Variants in DCLK1 observed in about 807,000 individuals in gnomAD.
The protein encoded by DCLK1 is serine/threonine-protein kinase DCLK1.
Under a neutral mutation model 86.2 loss-of-function variants are expected in DCLK1, and 16 were observed. The ratio of observed to expected loss-of-function variants is 0.19; its 90% CI spans 0.13 to 0.28. The LOEUF (loss-of-function observed/expected upper bound fraction) is 0.28. Among genes scored for constraint, DCLK1 ranks in the 10% least tolerant of loss-of-function variants. The pLI is 1.00. For missense variants in DCLK1, 590 were observed against 940.2 expected (o/e 0.63, Z 4.87); for synonymous variants, 369 against 370.5 (o/e 1.00, Z 0.05).
intron 4 of DCLK1, among the ~76,000 whole-genome samples, chr13:35,918,259 T>C (rs1188572711): frequency 1.3e-5 from 2 of 152,186 alleles, no homozygotes; most frequent in Non-Finnish European, 2.9e-5. Flanking sequence ...TTCTATAAAT[T>C]GCATCAAAGT....
intron 3 of DCLK1, among the ~76,000 whole-genome samples, chr13:36,045,625 G>T (rs1251127109): frequency 6.6e-6 from 1 of 151,896 alleles, no homozygotes; most frequent in African/African-American, 2.4e-5. Flanking sequence ...CCCAAGGCTG[G>T]CAGATCACTT....
chr13:35,808,251 G>A lies in DCLK1; in HGVS notation c.1836C>T (p.Tyr612=). 3 of 1,614,018 alleles carry A rather than the reference G, an allele frequency of 1.9e-6. No individual in the cohort carries two copies. Among genetic ancestry groups the A allele is most frequent in the Non-Finnish European group, 1.7e-6 (2 of 1,179,952 alleles). The change falls in exon 14 of 17, where the codon TAC becomes TAT. Residue 612 remains tyrosine (Y), a synonymous_variant. Coordinates refer to ENST00000360631, the MANE Select transcript of DCLK1 (RefSeq NM_001330071.2). ...LMGQVDFPSP[Y]WDNVSDSAKE... Reference sequence around the variant, plus strand: ...TTGCAGAATCGGAAACATTATCCCAGTATGGAGAAGGAAAGTCCACCTGCC... The same window carrying A: ...TTGCAGAATCGGAAACATTATCCCAATATGGAGAAGGAAAGTCCACCTGCC...
chr13:35,970,939 T>A (rs1879032069), intron 3 of DCLK1, among the ~76,000 whole-genome samples: 1 of 152,178 alleles, frequency 6.6e-6, no homozygotes, highest in African/African-American at 2.4e-5. Context: ...GAGATGAGAC[T>A]GGGCTACCTA....
chr13:36,100,091 C>T (rs896687468), intron 3 of DCLK1, among the ~76,000 whole-genome samples: 1 of 145,582 alleles, frequency 6.9e-6, no homozygotes, highest in Non-Finnish European at 1.5e-5. Context: ...ACCTGTAATC[C>T]CAGCACTTTG....
At chr13:35,985,047 C>T (rs1879835479) in intron 3 of DCLK1, among the ~76,000 whole-genome samples, 1 of 152,228 alleles carries the variant, frequency 6.6e-6, no homozygotes, top group Non-Finnish European at 1.5e-5. Context: ...ACAGCCATTA[C>T]AGTGGCTGGT....
intron 3 of DCLK1, among the ~76,000 whole-genome samples, chr13:36,003,765 TA>T (rs1880826499): frequency 6.6e-6 from 1 of 152,220 alleles, no homozygotes; most frequent in African/African-American, 2.4e-5. Flanking sequence ...TTTATTTTCC[TA>T]AGAGATATAC....
At chr13:36,025,424 C>T (rs1881991248) in intron 3 of DCLK1, among the ~76,000 whole-genome samples, 1 of 152,196 alleles carries the variant, frequency 6.6e-6, no homozygotes, top group African/African-American at 2.4e-5. Context: ...AAAACTTGTA[C>T]ATGAATGCTC....
intron 3 of DCLK1, among the ~76,000 whole-genome samples, chr13:35,994,607 T>C (rs1453880804): frequency 6.6e-6 from 1 of 152,204 alleles, no homozygotes; most frequent in East Asian, 1.9e-4. Context: ...TTAGAAAAGA[T>C]ATTTCATGTT....
At chr13:36,024,968 C>CT (rs1427973007) in intron 3 of DCLK1, among the ~76,000 whole-genome samples, 3,208 of 139,058 alleles carry the variant, frequency 0.023, 102 homozygotes, top group African/African-American at 0.068. Flanking sequence ...TCTTTTCTTT[C>CT]TTTTTTTTTT....
chr13:35,789,888 T>C (rs971057899), intron 16 of DCLK1, among the ~76,000 whole-genome samples: 2 of 151,342 alleles, frequency 1.3e-5, no homozygotes, highest in South Asian at 2.1e-4. Flanking sequence ...CTCTCTCTCT[T>C]TTTTTTTTCA....
At chr13:36,071,137 A>T (rs1488023600) in intron 3 of DCLK1, among the ~76,000 whole-genome samples, 1 of 151,926 alleles carries the variant, frequency 6.6e-6, no homozygotes, top group East Asian at 1.9e-4. Context: ...AGAATTTTTG[A>T]CCAGAAATAA....
intron 4 of DCLK1, among the ~76,000 whole-genome samples, chr13:35,893,928 G>A (rs1376374161): frequency 6.6e-6 from 1 of 152,188 alleles, no homozygotes; most frequent in Non-Finnish European, 1.5e-5. Context: ...ATCCACTGGG[G>A]TGGCTGAGAT....
chr13:35,976,525 G>GTTTTTTTTTTTTT lies in DCLK1; in HGVS notation c.724-29081_724-29069dup, dbSNP rs11294824. Among the ~76,000 whole-genome samples, 108 of 56,366 alleles carry GTTTTTTTTTTTTT rather than the reference G, an allele frequency of 1.9e-3. 12 individuals are homozygous for GTTTTTTTTTTTTT. The highest frequency in any genetic ancestry group is 3.2e-3 in the Non-Finnish European group (96 of 29,992). 37.0% of individuals were successfully genotyped at this position (56,366 alleles called of 152,430 possible). ...CTCCCAGCACTTCAGCTTCTCCGAGGTTTTTTTTTTTTTTTTTTTTTTTGA... is the reference window on the plus strand; with the variant it reads ...CTCCCAGCACTTCAGCTTCTCCGAGGTTTTTTTTTTTTTTTTTTTTTTTTTTTTTTTTTTTTGA... On this transcript the variant is annotated intron_variant, in intron 3 of 16. Coordinates refer to ENST00000360631, the MANE Select transcript of DCLK1 (RefSeq NM_001330071.2).
chr13:35,866,877 G>A (rs1448552822), intron 5 of DCLK1, among the ~76,000 whole-genome samples: 5 of 152,128 alleles, frequency 3.3e-5, no homozygotes, highest in African/African-American at 7.2e-5. Context: ...ACAATTCAAC[G>A]TGCCTTTCCA....
At chr13:36,041,535 C>G (rs1272401993) in intron 3 of DCLK1, among the ~76,000 whole-genome samples, 1 of 152,166 alleles carries the variant, frequency 6.6e-6, no homozygotes, top group African/African-American at 2.4e-5. Flanking sequence ...GAGGTTGTTT[C>G]ATACATTTGT....
chr13:36,116,179 C>G (rs8001580), intron 2 of DCLK1, among the ~76,000 whole-genome samples: 90,396 of 151,764 alleles, frequency 0.6, 27,575 homozygotes, highest in East Asian at 0.86. Context: ...CAAACTCCTG[C>G]CCTCAAGTGA....
At chr13:35,817,292 C>T (rs2087289704) in intron 11 of DCLK1, among the ~76,000 whole-genome samples, 1 of 152,050 alleles carries the variant, frequency 6.6e-6, no homozygotes, top group Non-Finnish European at 1.5e-5. Flanking sequence ...AGTAACTGGC[C>T]AATTACGGTA....
chr13:36,030,844 C>T (rs1882241172), intron 3 of DCLK1, among the ~76,000 whole-genome samples: 1 of 152,122 alleles, frequency 6.6e-6, no homozygotes, highest in African/African-American at 2.4e-5. Flanking sequence ...GATCAGCTCC[C>T]ATCCCATTCA....
intron 16 of DCLK1, among the ~76,000 whole-genome samples, chr13:35,781,873 A>G (rs2086532239): frequency 6.6e-6 from 1 of 152,204 alleles, no homozygotes; most frequent in Admixed American, 6.5e-5. Context: ...GCTTGCTAGT[A>G]AAATTAAACT....
Sources: gnomAD v4.1 joint callset for allele counts (sites outside exome capture counted in the v4.1 genomes callset) on GRCh38, gnomAD v4.1.1 for gene constraint, MANE v1.5 for transcripts, NCBI Gene and HGNC (gene_info 2026-07-23, HGNC 2026-07-21) for gene names.